Variants in IGSF10 observed in about 807,000 individuals in gnomAD.
The protein encoded by IGSF10 is calvaria mechanical force protein 608.
Under a neutral mutation model 128.2 loss-of-function variants are expected in IGSF10, and 126 were observed. That is an observed-to-expected ratio of 0.98 (90% CI 0.85 to 1.14). IGSF10 has a LOEUF of 1.14. IGSF10 is among the 50% of genes most tolerant of loss of function. The pLI, the probability that IGSF10 is intolerant of heterozygous loss-of-function variation, is 0.00. For synonymous variants in IGSF10, 1,185 were observed against 1,146.2 expected (o/e 1.03, Z -0.68); for missense variants, 3,295 against 3,149.8 (o/e 1.05, Z -1.10).
chr3:151,582,538 C>T, the IGSF10 span, among the ~76,000 whole-genome samples: 1 of 152,046 alleles, frequency 6.6e-6, no homozygotes, highest in East Asian at 1.9e-4. Context: ...AGCTCATTAT[C>T]ATTTGTGAGA....
chr3:151,548,839 C>T, the IGSF10 span, among the ~76,000 whole-genome samples: 2 of 151,278 alleles, frequency 1.3e-5, no homozygotes, highest in Admixed American at 6.6e-5. Flanking sequence ...CTTTTATTTT[C>T]CAGCTCTTTT....
chr3:151,438,777 GTATA>G (rs3975346), intron 7 of IGSF10, among the ~76,000 whole-genome samples, 180 bp from the exon 8 acceptor site: 2 of 150,684 alleles, frequency 1.3e-5, no homozygotes, highest in African/African-American at 4.9e-5. Context: ...AGGTGTGTGT[GTATA>G]TATATACACA....
chr3:151,439,087 A>T (rs1720670864), intron 7 of IGSF10, among the ~76,000 whole-genome samples: 1 of 152,178 alleles, frequency 6.6e-6, no homozygotes, highest in Non-Finnish European at 1.5e-5. Context: ...AATCTCCGTT[A>T]CATAGTAATT....
At chr3:151,441,584 A>AT (rs986473640) in intron 7 of IGSF10, among the ~76,000 whole-genome samples, 1 of 152,120 alleles carries the variant, frequency 6.6e-6, no homozygotes, top group Non-Finnish European at 1.5e-5. Context: ...ACTATGTGTA[A>AT]TTTTTTTGCA....
At chr3:151,604,109 A>C in the IGSF10 span, among the ~76,000 whole-genome samples, 2 of 152,234 alleles carry the variant, frequency 1.3e-5, no homozygotes, top group African/African-American at 4.8e-5. Flanking sequence ...ATATTCAAAA[A>C]TATCCAAAAT....
At chr3:151,473,011 A>C in the IGSF10 span, among the ~76,000 whole-genome samples, 1 of 152,106 alleles carries the variant, frequency 6.6e-6, no homozygotes, top group Non-Finnish European at 1.5e-5. Context: ...CTTTAAGATA[A>C]AGTTGACCAG....
chr3:151,612,554 C>G, the IGSF10 span, among the ~76,000 whole-genome samples: 1 of 152,156 alleles, frequency 6.6e-6, no homozygotes, highest in Admixed American at 6.5e-5. Flanking sequence ...AAGATGCTCT[C>G]CACTCCCTAA....
the IGSF10 span, among the ~76,000 whole-genome samples, chr3:151,560,165 T>C: frequency 5.3e-5 from 8 of 152,296 alleles, no homozygotes; most frequent in African/African-American, 1.9e-4. Flanking sequence ...GAGTGGCTCT[T>C]AATAGTTGCC....
the IGSF10 span, among the ~76,000 whole-genome samples, chr3:151,608,317 G>A: frequency 2.0e-5 from 3 of 152,212 alleles, no homozygotes; most frequent in African/African-American, 4.8e-5. Context: ...TAATCTCAAT[G>A]TGTCAGCAAA....
At chr3:151,460,442 G>T (rs978714601) in intron 1 of IGSF10, 95 bp from the exon 2 acceptor site, 1 of 204,532 alleles carries the variant, frequency 4.9e-6, no homozygotes, top group African/African-American at 2.4e-5. Context: ...GAGACCTGGA[G>T]CCGCTTCCAC....
chr3:151,584,420 AT>A, the IGSF10 span, among the ~76,000 whole-genome samples: 1 of 152,232 alleles, frequency 6.6e-6, no homozygotes, highest in Admixed American at 6.5e-5. Flanking sequence ...TTGCTGATTT[AT>A]TTAGGTTTAT....
At chr3:151,618,145 G>A in the IGSF10 span, among the ~76,000 whole-genome samples, 18 of 152,184 alleles carry the variant, frequency 1.2e-4, no homozygotes, top group East Asian at 3.5e-3. Context: ...CTTGTAAGAA[G>A]AGACACAAGA....
chr3:151,539,970 T>C, the IGSF10 span, among the ~76,000 whole-genome samples: 1 of 152,126 alleles, frequency 6.6e-6, no homozygotes, highest in African/African-American at 2.4e-5. Flanking sequence ...CTGGCCTTAG[T>C]CCGAGCCTAA....
chr3:151,448,519 A>G lies in IGSF10; in HGVS notation c.1462T>C (p.Leu488=), dbSNP rs749207748. The change falls in exon 6 of 8, where the codon TTG becomes CTG. Residue 488 remains leucine (L), a synonymous_variant. Transcript: ENST00000282466. The part of the protein sequence containing the change: ...DNNTKLEHTV[L]VGGTVGLNCP... Reference sequence around the variant, plus strand: ...TTCAGGCCAACGGTTCCACCTACCAAGACAGTATGTTCCAGCTTAGTATTG... The same window carrying G: ...TTCAGGCCAACGGTTCCACCTACCAGGACAGTATGTTCCAGCTTAGTATTG... 6 of 1,614,254 alleles carry G rather than the reference A, an allele frequency of 3.7e-6. No individual in the cohort carries two copies. The South Asian group carries it at 4.4e-5, about 12-fold the overall frequency.
chr3:151,475,074 G>GC, the IGSF10 span, among the ~76,000 whole-genome samples: 1 of 152,194 alleles, frequency 6.6e-6, no homozygotes, highest in Admixed American at 6.5e-5. Context: ...CACAGTAATA[G>GC]CCCCCCTGGT....
chr3:151,601,063 C>A, the IGSF10 span, among the ~76,000 whole-genome samples: 2 of 151,042 alleles, frequency 1.3e-5, no homozygotes, highest in Admixed American at 1.3e-4. Context: ...TGGTGTTGAT[C>A]AAAGGTTTTG....
the IGSF10 span, among the ~76,000 whole-genome samples, chr3:151,496,686 A>G: frequency 2.0e-5 from 3 of 151,676 alleles, no homozygotes; most frequent in African/African-American, 7.3e-5. Context: ...TACTTTGGGT[A>G]TATATCCAGT....
rs1275231357 is a variant in IGSF10 at position 151,445,558 on chromosome 3, C to T, written c.4423G>A (p.Val1475Ile). ...FLSSSATLMP[V>I]PISPPFTQRA... ...TGAGTAAAGGGAGGGGAGATGGGAACTGGCATTAGAGTAGCACTGCTGCTC... is the reference window on the plus strand; with the variant it reads ...TGAGTAAAGGGAGGGGAGATGGGAATTGGCATTAGAGTAGCACTGCTGCTC... Residue 1475 changes from valine (V) to isoleucine (I), a missense_variant, in exon 6 of 8, where the codon GTT becomes ATT. Val to Ile is a conservative substitution (Grantham distance 29). Transcript: ENST00000282466. The T allele has an allele frequency of 6.2e-7, 1 of 1,614,170 alleles. No homozygotes were observed. Among genetic ancestry groups the T allele is most frequent in the Admixed American group, 1.7e-5 (1 of 60,022 alleles).
At chr3:151,464,373 C>A (rs1722206395), upstream of IGSF10, among the ~76,000 whole-genome samples, 1 of 152,026 alleles carries the variant, frequency 6.6e-6, no homozygotes, top group South Asian at 2.1e-4. Flanking sequence ...TTTATATCAC[C>A]CCTGAGAATT....
Sources: gnomAD v4.1 joint callset for allele counts (sites outside exome capture counted in the v4.1 genomes callset) on GRCh38, gnomAD v4.1.1 for gene constraint, MANE v1.5 for transcripts, NCBI Gene and HGNC (gene_info 2026-07-23, HGNC 2026-07-21) for gene names.